TUBB8: variants seen among roughly 807,000 people sequenced by gnomAD.
The protein encoded by TUBB8 is tubulin beta 8 class VIII, also known as tubulin beta-8 chain.
Under a neutral mutation model 33.7 loss-of-function variants are expected in TUBB8, and 25 were observed. The observed-to-expected ratio is 0.74, with a 90% CI of 0.54 to 1.04. The LOEUF is 1.04. Among genes scored for constraint, TUBB8 ranks in the 50% least tolerant of loss-of-function variants. The probability of loss-of-function intolerance (pLI) is 0.00; values close to 1 mark genes in which losing one functional copy is unlikely to be tolerated. For synonymous variants in TUBB8, 245 were observed against 240.1 expected, an observed-to-expected ratio of 1.02 and a Z score of -0.19; for missense variants, 279 against 608.0, an observed-to-expected ratio of 0.46 and a Z score of 5.69.
rs782718809 is a variant in TUBB8 at position 48,723 on chromosome 10, C to T, written c.169G>A (p.Gly57Ser). ...AGCACAGCGCGGGGCACGTACCTGCCACCTGCGTGGGGCGGGAGGGCATGA... is the reference window on the plus strand; with the variant it reads ...AGCACAGCGCGGGGCACGTACCTGCTACCTGCGTGGGGCGGGAGGGCATGA... ...INVYYNEASG[G>S]RYVPRAVLVD... Residue 57 changes from glycine (G) to serine (S), a missense_variant and splice_region_variant, in exon 3 of 4, where the codon GGC (glycine) becomes AGC (serine). Physicochemically the swap from Gly to Ser is moderately conservative, Grantham distance 56. Around this residue, in one of 4 missense-constraint regions of TUBB8, gnomAD observed 56 missense variants for 77.9 expected, o/e 0.72. Coordinates refer to ENST00000568584, the MANE Select transcript of TUBB8 (RefSeq NM_177987.3). 21 of 1,610,796 alleles carry T rather than the reference C, an allele frequency of 1.3e-5. No individual in the cohort carries two copies. The highest frequency in any genetic ancestry group is 1.7e-5 in the Non-Finnish European group (20 of 1,178,934).
rs782601096 is a variant in TUBB8 at position 47,204 on chromosome 10, G to A, written c.1188C>T (p.His396=). The A allele has an allele frequency of 1.1e-5, 17 of 1,612,778 alleles. No individual in the cohort carries two copies. In the Admixed American group the frequency reaches 1.5e-4, roughly 14 times the overall value. ...TAMFRRKAFL[H]WYTGEGMDEM... ...CATCCATGCCCTCGCCCGTGTACCA[G>A]TGGAGGAAGGCCTTGCGCCTGAACA... Residue 396 remains histidine (H), a synonymous_variant, in exon 4 of 4, where the codon CAC becomes CAT. Coordinates refer to ENST00000568584, the MANE Select transcript of TUBB8 (RefSeq NM_177987.3).
upstream of TUBB8, among the ~76,000 whole-genome samples, chr10:76,238 C>T (rs1385740794): frequency 1.3e-5 from 2 of 151,952 alleles, no homozygotes; most frequent in Non-Finnish European, 2.9e-5. Context: ...TCCCGACCGA[C>T]GGCACAACGG....
At chr10:75,350 T>G (rs537749548), upstream of TUBB8, among the ~76,000 whole-genome samples, 3 of 119,838 alleles carry the variant, frequency 2.5e-5, no homozygotes, top group East Asian at 8.3e-4. Context: ...CCTTCTCTCT[T>G]AAAACAAAAC....
chr10:76,139 C>CA (rs71374333), upstream of TUBB8, among the ~76,000 whole-genome samples: 31,737 of 73,182 alleles, frequency 0.43, 6,954 homozygotes, highest in Non-Finnish European at 0.52. Flanking sequence ...AACTCCGTCT[C>CA]AAAAAAAAAA....
chr10:53,561 A>G (rs1212478523), upstream of TUBB8, among the ~76,000 whole-genome samples: 2 of 152,220 alleles, frequency 1.3e-5, no homozygotes, highest in Non-Finnish European at 2.9e-5. Flanking sequence ...ATTACAATGG[A>G]AACCAAAACA....
At chr10:49,418 C>G (rs1340798581), upstream of TUBB8, 5 of 718,002 alleles carry the variant, frequency 7.0e-6, no homozygotes, top group Admixed American at 2.0e-5. Flanking sequence ...CTGTGGATCC[C>G]CTGGCGCTGA....
At chr10:64,449 A>C (rs141964310) in intron 1 of TUBB8, among the ~76,000 whole-genome samples, 3,717 of 150,992 alleles carry the variant, frequency 0.025, 44 homozygotes, top group Middle Eastern at 0.069. Flanking sequence ...CCTAACCCTA[A>C]CTCTAAAACC....
chr10:53,466 G>A (rs1834493200), upstream of TUBB8, among the ~76,000 whole-genome samples: 1 of 152,166 alleles, frequency 6.6e-6, no homozygotes, highest in African/African-American at 2.4e-5. Flanking sequence ...TCCTGCTGTT[G>A]AGCAGGGAGC....
At chr10:48,568 G>A (rs374863076) in intron 3 of TUBB8, 47 bp downstream of exon 3, 358 of 1,516,802 alleles carry the variant, frequency 2.4e-4, no homozygotes, top group Admixed American at 9.9e-4. Context: ...TGGATTTTGA[G>A]CTGCCCTGGC....
intron 3 of TUBB8, 104 bp from the exon 4 acceptor site, chr10:48,218 C>A: frequency 9.6e-7 from 1 of 1,046,532 alleles, no homozygotes; most frequent in Admixed American, 2.0e-5. Context: ...GGTGAGAGCA[C>A]CGTTCGCCCT....
chr10:56,984 G>T (rs1834539421), intron 1 of TUBB8, among the ~76,000 whole-genome samples: 1 of 152,038 alleles, frequency 6.6e-6, no homozygotes, highest in African/African-American at 2.4e-5. Flanking sequence ...ATAAAAATGG[G>T]GCATAGGCAT....
At chr10:64,095 C>G (rs868942025) in intron 1 of TUBB8, among the ~76,000 whole-genome samples, 8 of 152,014 alleles carry the variant, frequency 5.3e-5, no homozygotes, top group African/African-American at 1.9e-4. Flanking sequence ...TCTCTGAAAC[C>G]AGCAGAGTCT....
At chr10:75,181 C>G (rs1471101006), upstream of TUBB8, among the ~76,000 whole-genome samples, 176 of 60,252 alleles carry the variant, frequency 2.9e-3, 1 homozygote, top group African/African-American at 9.1e-3. Context: ...CCGCGCCCAG[C>G]CAAATTTTTT....
chr10:72,608 C>T (rs1407761689), intron 1 of TUBB8, among the ~76,000 whole-genome samples: 2 of 151,294 alleles, frequency 1.3e-5, no homozygotes, highest in Non-Finnish European at 2.9e-5. Context: ...AATCCCAACA[C>T]TTTGAGAGGC....
chr10:67,151 TTG>T (rs1439429770), intron 1 of TUBB8, among the ~76,000 whole-genome samples: 2 of 80,634 alleles, frequency 2.5e-5, no homozygotes, highest in East Asian at 4.5e-4. Context: ...TGTTTTTTTG[TTG>T]TTTTTTTTTT....
At chr10:63,266 T>C (rs12263762) in intron 1 of TUBB8, among the ~76,000 whole-genome samples, 17,345 of 118,764 alleles carry the variant, frequency 0.15, no homozygotes, top group African/African-American at 0.28. Context: ...TTAGTAGAGA[T>C]GGGGTTTCAC....
At chr10:65,267 C>G (rs1197943883) in intron 1 of TUBB8, among the ~76,000 whole-genome samples, 1 of 152,350 alleles carries the variant, frequency 6.6e-6, no homozygotes. Context: ...GGTATGTTTT[C>G]TTTCTGCTAA....
intron 1 of TUBB8, among the ~76,000 whole-genome samples, chr10:64,975 T>TAAAAAAAAAAA (rs61340461): frequency 2.5e-5 from 3 of 118,562 alleles, no homozygotes; most frequent in Admixed American, 9.0e-5. Context: ...CCATCTCCAC[T>TAAAAAAAAAAA]AAAAAAAAAA....
chr10:66,244 A>G (rs74459159), intron 1 of TUBB8, among the ~76,000 whole-genome samples: 18,799 of 119,926 alleles, frequency 0.16, no homozygotes, highest in African/African-American at 0.29. Context: ...ATATCATGAC[A>G]AACCCCCAAA....
Sources: gnomAD v4.1 joint callset for allele counts (sites outside exome capture counted in the v4.1 genomes callset) on GRCh38, gnomAD v4.1.1 for gene constraint, gnomAD v4.1.1 regional missense constraint, MANE v1.5 for transcripts, NCBI Gene and HGNC (gene_info 2026-07-23, HGNC 2026-07-21) for gene names.